KIF5C: variants seen among roughly 807,000 people sequenced by gnomAD.
KIF5C encodes kinesin family member 5C.
In KIF5C, 18 loss-of-function variants were observed where a neutral mutation model predicts 125.2. The observed-to-expected ratio is 0.14, with a 90% CI of 0.10 to 0.21. KIF5C has a LOEUF of 0.21. KIF5C is among the 10% of genes least tolerant of loss of function. KIF5C has a pLI of 1.00. For synonymous variants in KIF5C, 405 were observed against 434.0 expected (o/e 0.93, Z 0.83); for missense variants, 780 against 1,183.8 (o/e 0.66, Z 5.01).
intron 1 of KIF5C, chr2:148,886,321 C>T (rs1396124877): frequency 6.6e-6 from 1 of 152,488 alleles, no homozygotes; most frequent in African/African-American, 2.4e-5. Flanking sequence ...CGACTTTTTT[C>T]TCTCCTCTCT....
chr2:148,969,883 C>T (rs1574799064), intron 11 of KIF5C, among the ~76,000 whole-genome samples: 1 of 152,142 alleles, frequency 6.6e-6, no homozygotes, highest in Non-Finnish European at 1.5e-5. Context: ...TACCAGGACG[C>T]TTCTGGAAGT....
Position 148,891,318 on chromosome 2 carries a change from G to T in KIF5C, c.126+15575G>T, listed in dbSNP as rs115569907. 8.3e-3 allele frequency among the ~76,000 whole-genome samples: 1,261 copies of T among 152,212 alleles called. 20 individuals carry two copies. Among genetic ancestry groups the T allele is most frequent in the African/African-American group, 0.028 (1,168 of 41,544 alleles). Reference sequence around the variant, plus strand: ...AGTTGGAGAAAAGGTGCTTTTCAACGTGGATACTTAGGAGGACCATATTTA... The same window carrying T: ...AGTTGGAGAAAAGGTGCTTTTCAACTTGGATACTTAGGAGGACCATATTTA... On this transcript the variant is annotated intron_variant, in intron 1 of 25. Transcript: ENST00000435030.
intron 1 of KIF5C, among the ~76,000 whole-genome samples, chr2:148,919,340 G>A (rs1574742068): frequency 6.6e-6 from 1 of 152,198 alleles, no homozygotes; most frequent in East Asian, 1.9e-4. Flanking sequence ...ATAGACACCT[G>A]GAAGGGACTC....
Position 149,010,432 on chromosome 2 carries a change from G to A in KIF5C, c.2767+81G>A, listed in dbSNP as rs776794161. On this transcript the variant is annotated intron_variant, in intron 24 of 25. Transcript: ENST00000435030. ...TCAGATTTGCTAAAAGGTGAAGACA[G>A]CGCTGGCCCACTCTGGAACATCTGA... 4.8e-4 allele frequency: 703 copies of A among 1,464,364 alleles called. 1 individual carries two copies. The highest frequency in any genetic ancestry group is 6.0e-4 in the Non-Finnish European group (664 of 1,106,416). 90.7% of individuals were successfully genotyped at this position (1,464,364 alleles called of 1,614,324 possible).
At chr2:148,879,150 A>G (rs1405843758) in intron 1 of KIF5C, 4 of 152,118 alleles carry the variant, frequency 2.6e-5, no homozygotes, top group African/African-American at 4.8e-5. Flanking sequence ...TTTGTATATG[A>G]TCTCCCAAGT....
rs1013079870 is a variant in KIF5C at position 149,026,005 on chromosome 2, G to A, written c.*2935G>A. ...AGAAATAAAAATGTTTGTCTAGAAT[G>A]TAGCATCTAGTGACTTTTTAAAGCC... On this transcript the variant is annotated 3_prime_UTR_variant, in exon 26 of 26. Transcript: ENST00000435030. 3 of 152,638 alleles carry A rather than the reference G, an allele frequency of 2.0e-5. No individual in the cohort carries two copies. Among genetic ancestry groups the A allele is most frequent in the Admixed American group, 6.5e-5 (1 of 15,282 alleles). The allele number at this position is 152,638 out of a possible 1,614,324, so 9.5% of individuals were successfully genotyped here. A position where few individuals can be genotyped will look rare whatever the true frequency, so the allele number is the denominator to read the frequency against.
At chr2:148,902,058 C>T (rs1449426097) in intron 1 of KIF5C, among the ~76,000 whole-genome samples, 1 of 152,226 alleles carries the variant, frequency 6.6e-6, no homozygotes, top group African/African-American at 2.4e-5. Context: ...GGGTTTGCTG[C>T]TCTTTTTCGC....
intron 21 of KIF5C, among the ~76,000 whole-genome samples, 153 bp downstream of exon 21, chr2:149,000,935 T>C (rs139376674): frequency 1.1e-4 from 16 of 152,292 alleles, no homozygotes; most frequent in African/African-American, 3.8e-4. Flanking sequence ...TAGAATTTAG[T>C]CCTCAACTTT....
intron 2 of KIF5C, among the ~76,000 whole-genome samples, chr2:148,927,152 G>A (rs1180089250): frequency 6.6e-6 from 1 of 152,224 alleles, no homozygotes; most frequent in Non-Finnish European, 1.5e-5. Context: ...ACTGGCAGGA[G>A]TTTCATGAGC....
chr2:148,960,062 A>G (rs1248296524), intron 10 of KIF5C, among the ~76,000 whole-genome samples: 3 of 152,304 alleles, frequency 2.0e-5, no homozygotes, highest in East Asian at 1.9e-4. Flanking sequence ...AAATCATGCA[A>G]TTTGAGCAGG....
chr2:148,884,529 T>C (rs937583622), intron 1 of KIF5C, among the ~76,000 whole-genome samples: 3 of 152,246 alleles, frequency 2.0e-5, no homozygotes, highest in African/African-American at 4.8e-5. Flanking sequence ...GTTTTAACCA[T>C]GATCAGCAAA....
chr2:148,931,553 C>T (rs954039861), intron 3 of KIF5C, among the ~76,000 whole-genome samples: 4 of 152,140 alleles, frequency 2.6e-5, no homozygotes, highest in African/African-American at 9.7e-5. Flanking sequence ...GTCTCAGCTA[C>T]CCAGGAGGCT....
intron 8 of KIF5C, chr2:148,947,808 C>T: frequency 2.2e-6 from 1 of 445,902 alleles, no homozygotes; most frequent in Non-Finnish European, 4.5e-6. Flanking sequence ...GCACAATGCC[C>T]TCTGGCCTCC....
At chr2:148,939,312 C>G (rs1286970375) in intron 4 of KIF5C, among the ~76,000 whole-genome samples, 1 of 152,182 alleles carries the variant, frequency 6.6e-6, no homozygotes, top group Non-Finnish European at 1.5e-5. Flanking sequence ...TAGCAAATCA[C>G]TTTTCCTTAG....
intron 1 of KIF5C, among the ~76,000 whole-genome samples, chr2:148,880,622 A>T (rs937019891): frequency 2.0e-5 from 3 of 152,190 alleles, no homozygotes; most frequent in African/African-American, 7.2e-5. Flanking sequence ...TTCCATCTAA[A>T]AGCAGTAACA....
intron 1 of KIF5C, chr2:148,878,617 T>C (rs531349433): frequency 2.2e-4 from 34 of 152,368 alleles, no homozygotes; most frequent in African/African-American, 5.1e-4. Context: ...CCATTCCTAA[T>C]TGATAATGTG....
chr2:148,976,630 A>C (rs1242000237), intron 12 of KIF5C, among the ~76,000 whole-genome samples: 1 of 150,472 alleles, frequency 6.6e-6, no homozygotes, highest in African/African-American at 2.5e-5. Context: ...ACTAGAGTGC[A>C]GTGGTGAAAT....
chr2:148,914,031 C>T (rs533552360), intron 1 of KIF5C, among the ~76,000 whole-genome samples: 113 of 152,330 alleles, frequency 7.4e-4, no homozygotes, highest in Non-Finnish European at 3.2e-4. Flanking sequence ...GCCATTCTGA[C>T]GGGAAATCAC....
rs1681401889 is a variant in KIF5C, at chr2:148,987,200, G to GTTTC, written c.1716+3434_1716+3435insTTTC. Among the ~76,000 whole-genome samples the GTTTC allele has an allele frequency of 3.5e-4, 54 of 152,358 alleles. 2 individuals are homozygous for GTTTC. In the South Asian group the frequency reaches 0.011, roughly 31 times the overall value. ...TTCAACAGGTTACAGGAGGAGCTAT[G>GTTTC]AAGATTCATGAAGGAGTGGCATGTG... On this transcript the variant is annotated intron_variant, in intron 15 of 25. Coordinates refer to ENST00000435030, the MANE Select transcript of KIF5C (RefSeq NM_004522.3).
Sources: allele counts gnomAD v4.1 joint callset (sites outside exome capture counted in the v4.1 genomes callset), GRCh38; gene constraint gnomAD v4.1.1; transcripts MANE v1.5; gene names NCBI Gene and HGNC (gene_info 2026-07-23, HGNC 2026-07-21).